DNM3: variants seen among roughly 807,000 people sequenced by gnomAD.
DNM3 encodes the protein dynamin 3.
A neutral mutation model predicts 101.6 loss-of-function variants in DNM3; 47 were observed. The observed-to-expected ratio is 0.46, with a 90% confidence interval of 0.37 to 0.59. The LOEUF is 0.59. Among genes scored for constraint, DNM3 ranks in the 20% least tolerant of loss-of-function variants. The pLI is 0.00. For synonymous variants in DNM3, 385 were observed against 387.9 expected (o/e 0.99, Z 0.09); for missense variants, 849 against 1,085.7 (o/e 0.78, Z 3.06).
intron 2 of DNM3, among the ~76,000 whole-genome samples, chr1:171,938,044 T>C (rs1398800155): frequency 6.8e-6 from 1 of 146,252 alleles, no homozygotes; most frequent in Non-Finnish European, 1.5e-5. Context: ...TTTTTTTTTT[T>C]CTTGAAATGA....
At chr1:171,897,158 C>G (rs1452224989) in intron 1 of DNM3, among the ~76,000 whole-genome samples, 1 of 152,122 alleles carries the variant, frequency 6.6e-6, no homozygotes, top group African/African-American at 2.4e-5. Context: ...TTCTGGGTAG[C>G]TAAAATGCAC....
intron 14 of DNM3, among the ~76,000 whole-genome samples, chr1:172,201,830 G>T (rs939240720): frequency 1.2e-4 from 19 of 152,178 alleles, no homozygotes; most frequent in African/African-American, 4.6e-4. Context: ...GACCTGTCTA[G>T]TGAGGAGATA....
intron 10 of DNM3, among the ~76,000 whole-genome samples, chr1:172,061,684 C>A: frequency 8.0e-6 from 1 of 124,964 alleles, no homozygotes; most frequent in Non-Finnish European, 1.6e-5. Flanking sequence ...AACATCACAC[C>A]CTGGGGACTG....
At chr1:172,001,550 A>G (rs143558880) in intron 4 of DNM3, among the ~76,000 whole-genome samples, 120 of 152,116 alleles carry the variant, frequency 7.9e-4, no homozygotes, top group Middle Eastern at 3.4e-3. Context: ...GGGCTGTTCA[A>G]AGGCCTCGCT....
intron 10 of DNM3, among the ~76,000 whole-genome samples, chr1:172,061,303 A>G (rs2051174289): frequency 6.9e-6 from 1 of 144,798 alleles, no homozygotes; most frequent in African/African-American, 2.6e-5. Context: ...TTCCTCAGGG[A>G]TCTAGAACTG....
chr1:172,056,803 G>A (rs1174056988), intron 10 of DNM3, among the ~76,000 whole-genome samples: 1 of 152,186 alleles, frequency 6.6e-6, no homozygotes, highest in Non-Finnish European at 1.5e-5. Flanking sequence ...TCCTCCAAAG[G>A]AACACAGTTC....
intron 1 of DNM3, among the ~76,000 whole-genome samples, chr1:171,876,676 G>GA (rs1417645904): frequency 6.6e-6 from 1 of 152,108 alleles, no homozygotes; most frequent in African/African-American, 2.4e-5. Context: ...AACCTTTGTT[G>GA]AAAAAATGAC....
At chr1:171,915,004 G>C (rs2039604628) in intron 1 of DNM3, among the ~76,000 whole-genome samples, 1 of 152,142 alleles carries the variant, frequency 6.6e-6, no homozygotes, top group African/African-American at 2.4e-5. Context: ...GATGTGCCTA[G>C]ACACGAAGTC....
At chr1:172,191,234 T>C (rs1400685741) in intron 14 of DNM3, among the ~76,000 whole-genome samples, 4 of 152,206 alleles carry the variant, frequency 2.6e-5, no homozygotes, top group Admixed American at 6.6e-5. Context: ...TTTCTACCTA[T>C]GGCTAGCCAG....
At chr1:172,091,957 G>A (rs939004181) in intron 12 of DNM3, among the ~76,000 whole-genome samples, 5 of 152,102 alleles carry the variant, frequency 3.3e-5, no homozygotes, top group Admixed American at 3.3e-4. Flanking sequence ...GAAAGTAGTC[G>A]ACAGCATTTT....
intron 14 of DNM3, among the ~76,000 whole-genome samples, chr1:172,190,009 T>G (rs1196671916): frequency 8.4e-6 from 1 of 119,736 alleles, no homozygotes; most frequent in East Asian, 2.1e-4. Flanking sequence ...GGAATCACAT[T>G]TCTTTTTTTT....
chr1:171,858,244 G>A (rs1406700611), intron 1 of DNM3, among the ~76,000 whole-genome samples: 2 of 152,076 alleles, frequency 1.3e-5, no homozygotes, highest in African/African-American at 4.8e-5. Flanking sequence ...TTACATTTAT[G>A]AGAAAAAATT....
intron 14 of DNM3, among the ~76,000 whole-genome samples, chr1:172,188,481 T>C (rs1444648935): frequency 6.6e-6 from 1 of 152,106 alleles, no homozygotes; most frequent in African/African-American, 2.4e-5. Flanking sequence ...AGATTTCTTC[T>C]TTTTTAAAAA....
intron 16 of DNM3, among the ~76,000 whole-genome samples, chr1:172,320,579 A>G (rs2065662026): frequency 6.6e-6 from 1 of 152,162 alleles, no homozygotes; most frequent in African/African-American, 2.4e-5. Context: ...GAGTTGAACA[A>G]TAATATTTTT....
chr1:172,052,035 G>A (rs1165463753), intron 10 of DNM3, among the ~76,000 whole-genome samples: 1 of 152,112 alleles, frequency 6.6e-6, no homozygotes, highest in African/African-American at 2.4e-5. Flanking sequence ...GTAATTAGCA[G>A]CCTCCTGTGT....
chr1:171,978,482 A>G (rs2044546180), intron 2 of DNM3, among the ~76,000 whole-genome samples: 1 of 152,104 alleles, frequency 6.6e-6, no homozygotes, highest in Admixed American at 6.6e-5. Context: ...AAGCAGAGCG[A>G]CTGAGTAGGT....
At chr1:172,094,053 T>G (rs1273731889) in intron 13 of DNM3, among the ~76,000 whole-genome samples, 2 of 152,202 alleles carry the variant, frequency 1.3e-5, no homozygotes, top group African/African-American at 4.8e-5. Context: ...GATCTTCATC[T>G]CTGTCCTTTT....
chr1:172,093,597 AT>A (rs1192841017), intron 13 of DNM3: 20 of 1,065,920 alleles, frequency 1.9e-5, no homozygotes, highest in Admixed American at 2.8e-5. Flanking sequence ...TCTGCTCTAG[AT>A]TTTTTTCCCA....
intron 13 of DNM3, among the ~76,000 whole-genome samples, chr1:172,130,062 A>G (rs1156901347): frequency 1.3e-5 from 2 of 152,142 alleles, no homozygotes; most frequent in East Asian, 3.9e-4. Context: ...CTATTCCATA[A>G]TTTTCTCTGG....
Sources: gnomAD v4.1 joint callset for allele counts (sites outside exome capture counted in the v4.1 genomes callset) on GRCh38, gnomAD v4.1.1 for gene constraint, MANE v1.5 for transcripts, NCBI Gene and HGNC (gene_info 2026-07-23, HGNC 2026-07-21) for gene names.